Variants in SETD4 observed in about 807,000 individuals in gnomAD.
SETD4 encodes SET domain-containing protein 4.
In SETD4, 46 loss-of-function variants were observed where a neutral mutation model predicts 58.3. The observed-to-expected ratio is 0.79, with a 90% CI of 0.62 to 1.01. The LOEUF is 1.01. Among genes scored for constraint, SETD4 ranks in the 50% least tolerant of loss-of-function variants. The pLI is 0.00. For synonymous variants in SETD4, 190 were observed against 202.6 expected (o/e 0.94, Z 0.53); for missense variants, 490 against 523.3 (o/e 0.94, Z 0.62).
chr21:36,052,723 T>C (rs2064778821), intron 4 of SETD4, among the ~76,000 whole-genome samples: 1 of 152,192 alleles, frequency 6.6e-6, no homozygotes, highest in Admixed American at 6.5e-5. Context: ...CAGAAAATCG[T>C]GCGCTAGAGA....
chr21:36,043,952 T>G lies in SETD4; in HGVS notation c.731A>C (p.Lys244Thr), dbSNP rs777812560. The stretch of plus-strand genomic sequence containing the variant: ...ATGAGTTTCTTCATTAAACGCTGCT[T>G]TTACCTAGAAAGAAAAACTGTTAAG... Reference protein sequence around the residue: ...LLNHSPHVQVKAAFNEETHSY... With the variant: ...LLNHSPHVQVTAAFNEETHSY... The change falls in exon 7 of 12, where the codon AAA becomes ACA. Residue 244 changes from lysine to threonine, a missense_variant. Physicochemically the swap from Lys to Thr is moderately conservative, Grantham distance 78. Coordinates refer to ENST00000332131, the MANE Select transcript of SETD4 (RefSeq NM_017438.5). The G allele has an allele frequency of 2.5e-6, 4 of 1,613,934 alleles. No individual in the cohort carries two copies. Among genetic ancestry groups the G allele is most frequent in the Non-Finnish European group, 3.4e-6 (4 of 1,179,950 alleles).
chr21:36,059,598 G>A, intron 1 of SETD4: 1 of 351,776 alleles, frequency 2.8e-6, no homozygotes, highest in Non-Finnish European at 4.0e-6. Flanking sequence ...TGAGGCAGGA[G>A]AATCGCTTGA....
rs150665858 is a variant in SETD4 at position 36,043,415 on chromosome 21, TAATA to T, written c.901+363_901+366del. The stretch of plus-strand genomic sequence containing the variant: ...CAGTGTCTTACCCACAGTAGGTGCT[TAATA>T]AATATTTTTTATTCATTGCTCTCTA... On this transcript the variant is annotated intron_variant, in intron 7 of 11. Transcript: ENST00000332131. 2.1e-4 allele frequency: 210 copies of T among 987,420 alleles called. No homozygotes were observed. The African/African-American group carries it at 3.3e-3, about 15-fold the overall frequency. The allele number at this position is 987,420 out of a possible 1,614,324, so 61.2% of individuals were successfully genotyped here.
chr21:36,049,172 G>C (rs1232343444), intron 4 of SETD4, among the ~76,000 whole-genome samples: 1 of 152,170 alleles, frequency 6.6e-6, no homozygotes, highest in East Asian at 1.9e-4. Flanking sequence ...TAGATGTAAA[G>C]TAATAGAAAA....
At chr21:36,040,698 A>G (rs931653142) in intron 8 of SETD4, 43 bp from the exon 9 acceptor site, 3 of 1,538,496 alleles carry the variant, frequency 1.9e-6, no homozygotes, top group Admixed American at 3.3e-5. Context: ...TCATTTCAGT[A>G]TTTCATGACC....
intron 6 of SETD4, 136 bp from the exon 7 acceptor site, chr21:36,044,092 A>C (rs2064191038): frequency 9.4e-7 from 1 of 1,061,256 alleles, no homozygotes; most frequent in African/African-American, 1.6e-5. Context: ...ACGCATAGGG[A>C]AAATGCCACT....
intron 3 of SETD4, among the ~76,000 whole-genome samples, chr21:36,056,607 G>A (rs2064996172): frequency 6.6e-6 from 1 of 152,204 alleles, no homozygotes; most frequent in Admixed American, 6.5e-5. Flanking sequence ...CGCCCAAGCT[G>A]GAGTGCAGGG....
intron 1 of SETD4, chr21:36,059,700 A>T (rs1182177952): frequency 6.3e-6 from 6 of 956,580 alleles, no homozygotes; most frequent in African/African-American, 3.5e-5. Flanking sequence ...AAAATAAATT[A>T]AAAAAATAAA....
chr21:36,051,538 C>A (rs563610098), intron 4 of SETD4, among the ~76,000 whole-genome samples: 1 of 152,138 alleles, frequency 6.6e-6, no homozygotes, highest in South Asian at 2.1e-4. Context: ...ACGAGACCCC[C>A]GCTAGTAAGA....
chr21:36,038,076 CTAA>C, intron 10 of SETD4, 71 bp downstream of exon 10: 1 of 1,505,522 alleles, frequency 6.6e-7, no homozygotes, highest in South Asian at 1.3e-5. Context: ...TGCACTATCC[CTAA>C]TAACATGTAC....
At chr21:36,057,497 C>T in intron 2 of SETD4, 1 of 605,556 alleles carries the variant, frequency 1.7e-6, no homozygotes, top group Non-Finnish European at 3.0e-6. Flanking sequence ...AAAAAAAATA[C>T]AATATTATAA....
intron 4 of SETD4, among the ~76,000 whole-genome samples, chr21:36,049,512 G>A (rs907855857): frequency 2.6e-5 from 4 of 152,094 alleles, no homozygotes; most frequent in Non-Finnish European, 4.4e-5. Context: ...CCGAGATTGC[G>A]CCACTGTACT....
chr21:36,046,550 C>A (rs1174599183), intron 5 of SETD4, among the ~76,000 whole-genome samples: 1 of 152,210 alleles, frequency 6.6e-6, no homozygotes, highest in East Asian at 1.9e-4. Context: ...CCATTCAGAG[C>A]TAGTGGCCAC....
chr21:36,055,616 T>C (rs918682759), intron 3 of SETD4, among the ~76,000 whole-genome samples: 16 of 152,182 alleles, frequency 1.1e-4, no homozygotes, highest in Admixed American at 9.2e-4. Flanking sequence ...CCAGAAATGT[T>C]ACCTCCTATC....
intron 10 of SETD4, among the ~76,000 whole-genome samples, chr21:36,037,281 T>C (rs888127714): frequency 2.4e-5 from 3 of 123,314 alleles, no homozygotes; most frequent in Admixed American, 1.7e-4. Context: ...TGTAGTCCAC[T>C]ATAAATATAT....
chr21:36,047,280 C>T (rs12483151), intron 5 of SETD4, among the ~76,000 whole-genome samples: 56,520 of 151,920 alleles, frequency 0.37, 10,562 homozygotes, highest in Admixed American at 0.41. Flanking sequence ...AAACGGTATA[C>T]TCTTTCAACC....
intron 5 of SETD4, among the ~76,000 whole-genome samples, chr21:36,047,834 C>CAAAAAAAA (rs34827028): frequency 3.8e-4 from 27 of 70,890 alleles, no homozygotes; most frequent in Admixed American, 5.5e-4. Flanking sequence ...ACTAAAAATA[C>CAAAAAAAA]AAAAAAAAAA....
Position 36,034,758 on chromosome 21 carries a change from T to G in SETD4, c.*1235A>C, listed in dbSNP as rs930319046. The stretch of plus-strand genomic sequence containing the variant: ...TGCTGCCGATGGCCGCTCTGCAGAA[T>G]CGCTGGGACTAAGACCACAGGTCCA... On this transcript the variant is annotated 3_prime_UTR_variant, in exon 12 of 12. Transcript: ENST00000332131. 6.6e-6 allele frequency: 1 copy of G among 152,108 alleles called. No homozygotes were observed. The highest frequency in any genetic ancestry group is 6.6e-5 in the Admixed American group (1 of 15,266). The allele number at this position is 152,108 out of a possible 1,614,324, so 9.4% of individuals were successfully genotyped here. A position where few individuals can be genotyped will look rare whatever the true frequency, so the allele number is the denominator to read the frequency against.
intron 3 of SETD4, among the ~76,000 whole-genome samples, chr21:36,055,673 T>C (rs888480927): frequency 6.6e-6 from 1 of 152,212 alleles, no homozygotes; most frequent in African/African-American, 2.4e-5. Context: ...TTACAGAAGG[T>C]TCCCCAGAAC....
Sources: gnomAD v4.1 joint callset for allele counts (sites outside exome capture counted in the v4.1 genomes callset) on GRCh38, gnomAD v4.1.1 for gene constraint, MANE v1.5 for transcripts, NCBI Gene and HGNC (gene_info 2026-07-23, HGNC 2026-07-21) for gene names.